Variants in ZDHHC1 observed in about 807,000 individuals in gnomAD.
ZDHHC1 encodes the protein palmitoyltransferase ZDHHC1.
In ZDHHC1, 45 loss-of-function variants were observed where a neutral mutation model predicts 46.9. That is an observed-to-expected ratio of 0.96 (90% confidence interval 0.76 to 1.23). The LOEUF is 1.23. Among genes scored for constraint, ZDHHC1 ranks in the 50% most tolerant of loss-of-function variants. The pLI is 0.00. For missense variants in ZDHHC1, 649 were observed against 670.8 expected (o/e 0.97, Z 0.36); for synonymous variants, 291 against 286.0 (o/e 1.02, Z -0.18).
At chr16:67,415,344 A>G (rs2040816639) in intron 1 of ZDHHC1, among the ~76,000 whole-genome samples, 1 of 151,798 alleles carries the variant, frequency 6.6e-6, no homozygotes, top group Non-Finnish European at 1.5e-5. Context: ...CTGTAGTCTC[A>G]GCTACTTGGG....
Position 67,400,991 on chromosome 16 carries a change from C to T in ZDHHC1, c.394G>A (p.Glu132Lys), listed in dbSNP as rs2040541282. The change falls in exon 4 of 12, where the codon GAA (glutamate) becomes AAA (lysine). Residue 132 changes from glutamate to lysine, a missense_variant. By Grantham distance (56) the Glu-to-Lys change is moderately conservative (BLOSUM62 1). Transcript: ENST00000565726. ...TTGCACAAGTTGCAGTGCAGGTCTT[C>T]AATGACATGTGCGTGCTGGCTTCGG... ...FNRSQHAHVI[E>K]DLHCNLCNVD... is the part of the protein sequence containing the mutation. 5.0e-6 allele frequency: 8 copies of T among 1,614,106 alleles called. No individual in the cohort carries two copies. Among genetic ancestry groups the T allele is most frequent in the Non-Finnish European group, 6.8e-6 (8 of 1,180,014 alleles).
intron 8 of ZDHHC1, chr16:67,396,197 G>A (rs974932533): frequency 1.3e-5 from 2 of 152,660 alleles, no homozygotes; most frequent in African/African-American, 4.8e-5. Flanking sequence ...GGGTGCAGAC[G>A]CGACCCCTGA....
chr16:67,395,132 G>A (rs998436088), intron 10 of ZDHHC1, 55 bp downstream of exon 10: 3 of 1,613,054 alleles, frequency 1.9e-6, no homozygotes, highest in Non-Finnish European at 2.5e-6. Flanking sequence ...CCAGGGTAGA[G>A]GCTTCTTTCT....
chr16:67,397,192 C>G (rs894397930), intron 8 of ZDHHC1, among the ~76,000 whole-genome samples: 77 of 152,342 alleles, frequency 5.1e-4, no homozygotes, highest in African/African-American at 1.8e-3. Context: ...GGCCCCAAAG[C>G]CTTGGCAGCG....
At chr16:67,395,690 C>G (rs2040417732) in intron 8 of ZDHHC1, 124 bp from the exon 9 acceptor site, 1 of 960,184 alleles carries the variant, frequency 1.0e-6, no homozygotes, top group Admixed American at 2.4e-5. Context: ...TCATGCCAGG[C>G]TCCCAGCCAT....
Position 67,394,717 on chromosome 16 carries a change from C to T in ZDHHC1, c.1342G>A (p.Gly448Ser). Residue 448 changes from glycine (G) to serine (S), a missense_variant, in exon 12 of 12, where the codon GGC becomes AGC. By Grantham distance (56) the Gly-to-Ser change is moderately conservative. Transcript: ENST00000565726. ...SAALAAPRGR[G>S]RQPTLARQAR... ...TGCCGCGCCAGCGTGGGCTGTCGGC[C>T]CCGGCCCCGCGGGGCGGCCAGAGCG... 7.3e-7 allele frequency: 1 copy of T among 1,367,780 alleles called. No individual in the cohort carries two copies. The highest frequency in any genetic ancestry group is 1.7e-5 in the South Asian group (1 of 59,066). The allele number at this position is 1,367,780 out of a possible 1,614,324, so 84.7% of individuals were successfully genotyped here. A position where few individuals can be genotyped will look rare whatever the true frequency, so the allele number is the denominator to read the frequency against.
At position 67,401,571 on chromosome 16, in the gene ZDHHC1, T is replaced by C. The variant is rs1233597121; in HGVS notation, c.253-439A>G. Among the ~76,000 whole-genome samples, 1 of 152,218 alleles carries C rather than the reference T, an allele frequency of 6.6e-6. No homozygotes were observed. Among genetic ancestry groups the C allele is most frequent in the African/African-American group, 2.4e-5 (1 of 41,448 alleles). ...TCCCAGCTTCCTTATCTTGCTTTCA[T>C]AGGAAGTCACCTCCAAAAGGGATGC... On this transcript the variant is annotated intron_variant, in intron 3 of 11. Coordinates refer to ENST00000565726, the MANE Select transcript of ZDHHC1 (RefSeq NM_001323627.2). The surrounding 1 kb of genome is among the most constrained non-coding windows in gnomAD (Gnocchi z 4.6).
chr16:67,410,838 A>T (rs2040738600), intron 1 of ZDHHC1, among the ~76,000 whole-genome samples: 1 of 151,598 alleles, frequency 6.6e-6, no homozygotes. Context: ...GCTAATTTTT[A>T]TGTTTTTAGT....
At chr16:67,400,493 G>A (rs976308605) in intron 4 of ZDHHC1, among the ~76,000 whole-genome samples, 1 of 152,228 alleles carries the variant, frequency 6.6e-6, no homozygotes, top group Non-Finnish European at 1.5e-5. Flanking sequence ...GGGCCTGGCC[G>A]GCCAGATGTG....
chr16:67,405,319 C>T (rs2040633142), intron 3 of ZDHHC1, among the ~76,000 whole-genome samples: 1 of 152,234 alleles, frequency 6.6e-6, no homozygotes, highest in Admixed American at 6.5e-5. Flanking sequence ...CAAAGACCCA[C>T]AGAGCTGGCA....
chr16:67,394,557 C>T lies in ZDHHC1; in HGVS notation c.*53G>A. 2 of 1,127,920 alleles carry T rather than the reference C, an allele frequency of 1.8e-6. No homozygotes were observed. Among genetic ancestry groups the T allele is most frequent in the Non-Finnish European group, 2.2e-6 (2 of 922,568 alleles). 69.9% of individuals were successfully genotyped at this position (1,127,920 alleles called of 1,614,324 possible). A position where few individuals can be genotyped will look rare whatever the true frequency, so the allele number is the denominator to read the frequency against. Reference sequence around the variant, plus strand: ...TCGGTGCGGCAAGGATGGGGTGTTGCATAGAGAGTCAGGCCGGCCGCTCTA... The same window carrying T: ...TCGGTGCGGCAAGGATGGGGTGTTGTATAGAGAGTCAGGCCGGCCGCTCTA... On this transcript the variant is annotated 3_prime_UTR_variant, in exon 12 of 12. Coordinates refer to ENST00000565726, the MANE Select transcript of ZDHHC1 (RefSeq NM_001323627.2).
At chr16:67,396,824 G>A (rs1351836765) in intron 8 of ZDHHC1, among the ~76,000 whole-genome samples, 1 of 152,134 alleles carries the variant, frequency 6.6e-6, no homozygotes, top group Admixed American at 6.5e-5. Flanking sequence ...AAAGCCCACT[G>A]GGGGGCCCTG....
At chr16:67,400,011 G>C (rs868792964) in intron 4 of ZDHHC1, among the ~76,000 whole-genome samples, 2 of 152,226 alleles carry the variant, frequency 1.3e-5, no homozygotes, top group Non-Finnish European at 2.9e-5. Context: ...TCACCACAGG[G>C]GCTCAGGGGA....
rs1156516849 is a variant in ZDHHC1, at chr16:67,394,646, G to A, written c.1413C>T (p.Pro471=). The A allele has an allele frequency of 1.6e-6, 2 of 1,218,678 alleles. No individual in the cohort carries two copies. Among genetic ancestry groups the A allele is most frequent in the Non-Finnish European group, 2.0e-6 (2 of 980,458 alleles). The allele number at this position is 1,218,678 out of a possible 1,614,324, so 75.5% of individuals were successfully genotyped here. Residue 471 remains proline, a synonymous_variant, in exon 12 of 12, where the codon CCC becomes CCT. Transcript: ENST00000565726. ...AVFVSPSSGE[P]RAPGGREAGL... is the part of the protein sequence containing the mutation. The stretch of plus-strand genomic sequence containing the variant: ...CAGCCTCCCGGCCGCCCGGCGCCCT[G>A]GGCTCGCCGCTGCTCGGGCTCACGA...
At chr16:67,412,336 A>AC (rs1026141869) in intron 1 of ZDHHC1, among the ~76,000 whole-genome samples, 1 of 151,978 alleles carries the variant, frequency 6.6e-6, no homozygotes, top group African/African-American at 2.4e-5. Context: ...GCTTTTGAAA[A>AC]AAAAAAAGTA....
chr16:67,407,276 C>A (rs984176515), intron 2 of ZDHHC1, among the ~76,000 whole-genome samples: 1 of 152,178 alleles, frequency 6.6e-6, no homozygotes, highest in Non-Finnish European at 1.5e-5. Flanking sequence ...AGGAGGAAGA[C>A]CCCCATCCCC....
rs781144632 is a variant in ZDHHC1, at chr16:67,406,381, G to A, written c.71C>T (p.Pro24Leu). The change falls in exon 3 of 12, where the codon CCG (proline) becomes CTG (leucine). Residue 24 changes from proline to leucine, a missense_variant. Physicochemically the swap from Pro to Leu is moderately conservative, Grantham distance 98. Coordinates refer to ENST00000565726, the MANE Select transcript of ZDHHC1 (RefSeq NM_001323627.2). The surrounding 1 kb of genome is among the most constrained non-coding windows in gnomAD (Gnocchi z 4.1). ...AGGGGAGGGTCCGCTGGGCTGTGCC[G>A]GTGCCGTCCACACACTCTTCTCAGG... ...TAPEKSVWTA[P>L]AQPSGPSPEL... 8.5e-5 allele frequency: 135 copies of A among 1,579,114 alleles called. No homozygotes were observed. The highest frequency in any genetic ancestry group is 2.3e-4 in the South Asian group (20 of 86,406).
At chr16:67,410,883 C>T (rs973457168) in intron 1 of ZDHHC1, among the ~76,000 whole-genome samples, 2 of 151,964 alleles carry the variant, frequency 1.3e-5, no homozygotes, top group Admixed American at 6.6e-5. Context: ...CCAGGATGGT[C>T]TCAAGAACTC....
Position 67,406,546 on chromosome 16 carries a change from G to A in ZDHHC1, c.10-104C>T, listed in dbSNP as rs1424869209. On this transcript the variant is annotated intron_variant, in intron 2 of 11. Coordinates refer to ENST00000565726, the MANE Select transcript of ZDHHC1 (RefSeq NM_001323627.2). The surrounding 1 kb of genome is among the most constrained non-coding windows in gnomAD (Gnocchi z 4.1). ...TTTCAGCACAGGGGGAGTAGGCTGC[G>A]ACAGCTACTCTGCTGGGGAAACTGG... 7.3e-6 allele frequency: 10 copies of A among 1,365,550 alleles called. No homozygotes were observed. The highest frequency in any genetic ancestry group is 2.7e-4 in the Middle Eastern group (1 of 3,754). The allele number at this position is 1,365,550 out of a possible 1,614,324, so 84.6% of individuals were successfully genotyped here.
Sources: gnomAD v4.1 joint callset for allele counts (sites outside exome capture counted in the v4.1 genomes callset) on GRCh38, gnomAD v4.1.1 for gene constraint, Gnocchi (gnomAD v3.1) non-coding constraint, MANE v1.5 for transcripts, NCBI Gene and HGNC (gene_info 2026-07-23, HGNC 2026-07-21) for gene names.